Variants in ZNF587 observed in about 807,000 individuals in gnomAD.
The protein encoded by ZNF587 is zinc finger protein 587, also known as zinc finger protein zfp6.
ZNF587 carries 8 observed loss-of-function variants against 7.5 expected under a neutral mutation model. The ratio of observed to expected loss-of-function variants is 1.06; its 90% confidence interval spans 0.62 to 1.92. The LOEUF (loss-of-function observed/expected upper bound fraction) is 1.92, where lower values mean the gene tolerates loss of function less well. Among genes scored for constraint, ZNF587 ranks in the 40% most tolerant of loss-of-function variants. The pLI, the probability that ZNF587 is intolerant of heterozygous loss-of-function variation, is 0.00. For synonymous variants in ZNF587, 145 were observed against 237.8 expected, an observed-to-expected ratio of 0.61 and a Z score of 3.59; for missense variants, 468 against 692.8, an observed-to-expected ratio of 0.68 and a Z score of 3.64.
rs111750663 is a variant in ZNF587, at chr19:57,861,703, A to G, written c.*1563A>G. The G allele has an allele frequency of 3.3e-5, 5 of 151,940 alleles. No homozygotes were observed. Among genetic ancestry groups the G allele is most frequent in the African/African-American group, 1.2e-4 (5 of 41,310 alleles). The allele number at this position is 151,940 out of a possible 1,614,324, so 9.4% of individuals were successfully genotyped here. On this transcript the variant is annotated 3_prime_UTR_variant, in exon 3 of 3. Coordinates refer to ENST00000339656, the MANE Select transcript of ZNF587 (RefSeq NM_032828.4). The stretch of plus-strand genomic sequence containing the variant: ...TTAATATATTTAAAAATAATGAAAT[A>G]ACAAAGACGTATGTTGGACTTCATT...
chr19:57,850,047 G>A lies in ZNF587; in HGVS notation c.9G>A (p.Ala3=). The stretch of plus-strand genomic sequence containing the variant: ...CTTCCCCAAGTAGTCCGATGGCAGC[G>A]GCTGTGCCGAGGCGCCCAACTCAGG... The part of the protein sequence containing the change: MA[A]AVPRRPTQQG... Residue 3 remains alanine, a synonymous_variant, in exon 1 of 3, where the codon GCG becomes GCA. Transcript: ENST00000339656. 2.5e-6 allele frequency: 4 copies of A among 1,614,254 alleles called. No individual in the cohort carries two copies. Among genetic ancestry groups the A allele is most frequent in the South Asian group, 1.1e-5 (1 of 91,090 alleles).
chr19:57,850,336 T>TTTA (rs1015353288), intron 1 of ZNF587: 1 of 631,934 alleles, frequency 1.6e-6, no homozygotes, highest in Non-Finnish European at 2.7e-6. Flanking sequence ...AGACAGGAGT[T>TTTA]TTATTATTCA....
At chr19:57,855,058 C>T (rs912693889) in intron 1 of ZNF587, among the ~76,000 whole-genome samples, 22 of 151,364 alleles carry the variant, frequency 1.5e-4, no homozygotes, top group African/African-American at 5.3e-4. Context: ...GTGGTGGGCA[C>T]CTGTAGTCCC....
intron 1 of ZNF587, chr19:57,850,694 G>A (rs1252929462): frequency 2.5e-6 from 1 of 397,394 alleles, no homozygotes; most frequent in Non-Finnish European, 4.4e-6. Flanking sequence ...GCGGGTCCAG[G>A]TGGCCAGAGC....
intron 1 of ZNF587, chr19:57,850,846 T>A (rs1206600123): frequency 6.2e-6 from 2 of 321,018 alleles, no homozygotes; most frequent in Admixed American, 9.9e-5. Context: ...CGTGAGTCAT[T>A]CCATAAGATG....
rs1311720060 is a variant in ZNF587 at position 57,860,333 on chromosome 19, G to A, written c.*193G>A. 23 of 1,086,064 alleles carry A rather than the reference G, an allele frequency of 2.1e-5. No individual in the cohort carries two copies. Among genetic ancestry groups the A allele is most frequent in the Admixed American group, 2.7e-5 (1 of 37,192 alleles). 67.3% of individuals were successfully genotyped at this position (1,086,064 alleles called of 1,614,324 possible). ...ACCCAGGCTGGAGTGCAGTGGTGCA[G>A]TCTTGGCTCGCTGCAACTTGGGCCT... On this transcript the variant is annotated 3_prime_UTR_variant, in exon 3 of 3. Transcript: ENST00000339656.
rs1014042120 is a variant in ZNF587, at chr19:57,863,901, G to A, written c.*3761G>A. On this transcript the variant is annotated 3_prime_UTR_variant, in exon 3 of 3. Coordinates refer to ENST00000339656, the MANE Select transcript of ZNF587 (RefSeq NM_032828.4). ...CTACTAAAAATACAAAAATTAGTCG[G>A]GCATGGTGGCGGGTGCCTGTAGTCC... 4 of 151,294 alleles carry A rather than the reference G, an allele frequency of 2.6e-5. No individual in the cohort carries two copies. Among genetic ancestry groups the A allele is most frequent in the African/African-American group, 9.7e-5 (4 of 41,250 alleles). The allele number at this position is 151,294 out of a possible 1,614,324, so 9.4% of individuals were successfully genotyped here. A position where few individuals can be genotyped will look rare whatever the true frequency, so the allele number is the denominator to read the frequency against.
Position 57,859,727 on chromosome 19 carries a change from A to T in ZNF587, c.1315A>T (p.Arg439Trp). The T allele has an allele frequency of 6.2e-7, 1 of 1,613,596 alleles. No individual in the cohort carries two copies. Among genetic ancestry groups the T allele is most frequent in the Non-Finnish European group, 8.5e-7 (1 of 1,179,890 alleles). Residue 439 changes from arginine to tryptophan, a missense_variant, in exon 3 of 3, where the codon AGG becomes TGG. Coordinates refer to ENST00000339656, the MANE Select transcript of ZNF587 (RefSeq NM_032828.4). The stretch of plus-strand genomic sequence containing the variant: ...CACTGGGGAAAGACCTTACAATTGT[A>T]GGGAATGTGGGAAATTATTTAACAG... Reference protein sequence around the residue: ...LHTGERPYNCRECGKLFNRKY... With the variant: ...LHTGERPYNCWECGKLFNRKY...
intron 1 of ZNF587, among the ~76,000 whole-genome samples, chr19:57,852,908 A>C (rs2071300376): frequency 8.4e-6 from 1 of 119,398 alleles, no homozygotes; most frequent in South Asian, 2.7e-4. Context: ...CCTGGAGTCT[A>C]GTGGCACAAT....
At chr19:57,855,707 G>A (rs528484929) in intron 1 of ZNF587, among the ~76,000 whole-genome samples, 97 of 151,936 alleles carry the variant, frequency 6.4e-4, no homozygotes, top group African/African-American at 2.3e-3. Context: ...GACTACAGGT[G>A]CCCACCACCA....
Position 57,864,055 on chromosome 19 carries a change from A to C in ZNF587, c.*3915A>C, listed in dbSNP as rs1283186981. ...ACACATCATCTCAAAAAAAAAAAAAAAACTCAATCCATAAATGTTATACTT... is the reference window on the plus strand; with the variant it reads ...ACACATCATCTCAAAAAAAAAAAAACAACTCAATCCATAAATGTTATACTT... On this transcript the variant is annotated 3_prime_UTR_variant, in exon 3 of 3. Coordinates refer to ENST00000339656, the MANE Select transcript of ZNF587 (RefSeq NM_032828.4). 6.6e-6 allele frequency: 1 copy of C among 151,726 alleles called. No individual in the cohort carries two copies. Among genetic ancestry groups the C allele is most frequent in the Non-Finnish European group, 1.5e-5 (1 of 67,954 alleles). The allele number at this position is 151,726 out of a possible 1,614,324, so 9.4% of individuals were successfully genotyped here.
At chr19:57,850,242 C>T in intron 1 of ZNF587, 171 bp downstream of exon 1, 2 of 1,201,618 alleles carry the variant, frequency 1.7e-6, no homozygotes, top group South Asian at 1.3e-5. Context: ...ACGTTGCCAG[C>T]TGCCTAGACA....
chr19:57,859,645 G>C lies in ZNF587; in HGVS notation c.1233G>C (p.Lys411Asn). 1 of 1,613,660 alleles carries C rather than the reference G, an allele frequency of 6.2e-7. No individual in the cohort carries two copies. Among genetic ancestry groups the C allele is most frequent in the Non-Finnish European group, 8.5e-7 (1 of 1,179,932 alleles). Reference sequence around the variant, plus strand: ...CTGGAGAAAGGCCCTATGAGTGCAAGGAATGTGGGAAATCATTTAGGTACA... The same window carrying C: ...CTGGAGAAAGGCCCTATGAGTGCAACGAATGTGGGAAATCATTTAGGTACA... ...GHTGERPYEC[K>N]ECGKSFRYRS... The change falls in exon 3 of 3, where the codon AAG becomes AAC. Residue 411 changes from lysine (K) to asparagine (N), a missense_variant. By Grantham distance (94) the Lys-to-Asn change is moderately conservative (BLOSUM62 0). Around this residue, in one of 5 missense-constraint regions of ZNF587, gnomAD observed 310 missense variants for 325.6 expected, o/e 0.95. Transcript: ENST00000339656.
Position 57,860,062 on chromosome 19 carries a change from C to T in ZNF587, c.1650C>T (p.Cys550=), listed in dbSNP as rs544456621. The change falls in exon 3 of 3, where the codon TGC becomes TGT. Residue 550 remains cysteine, a synonymous_variant. Transcript: ENST00000339656. The part of the protein sequence containing the change: ...RIHTGERPYE[C]TKCGKTFQRS... ...ACACTGGAGAAAGGCCTTATGAATG[C>T]ACCAAATGTGGAAAAACATTTCAGC... 5.1e-5 allele frequency: 82 copies of T among 1,613,356 alleles called. No homozygotes were observed. Among genetic ancestry groups the T allele is most frequent in the Admixed American group, 2.8e-4 (17 of 59,980 alleles).
In ZNF587 at chr19:57,859,929, C is replaced by T. The variant is rs369252362; in HGVS notation, c.1517C>T (p.Ala506Val). Residue 506 changes from alanine to valine, a missense_variant, in exon 3 of 3, where the codon GCG becomes GTG. Ala to Val is a moderately conservative substitution (Grantham distance 64). Around this residue, in one of 5 missense-constraint regions of ZNF587, gnomAD observed 310 missense variants for 325.6 expected, o/e 0.95. Coordinates refer to ENST00000339656, the MANE Select transcript of ZNF587 (RefSeq NM_032828.4). The stretch of plus-strand genomic sequence containing the variant: ...GGGAAATCATTTCTTTCCAGCTCTG[C>T]GCTTCATGTTCATAAAAGAGTTCAT... ...ECGKSFLSSS[A>V]LHVHKRVHSG... 3.8e-5 allele frequency: 62 copies of T among 1,613,872 alleles called. No individual in the cohort carries two copies. The highest frequency in any genetic ancestry group is 4.4e-5 in the South Asian group (4 of 91,082).
Position 57,850,336 on chromosome 19 carries a change from T to C in ZNF587, c.33+265T>C, listed in dbSNP as rs1371013599. The C allele has an allele frequency of 1.1e-5, 7 of 631,816 alleles. No individual in the cohort carries two copies. In the Admixed American group the frequency reaches 2.1e-4, roughly 19 times the overall value. The allele number at this position is 631,816 out of a possible 1,614,324, so 39.1% of individuals were successfully genotyped here. ...GTCCTGCTGTTCGGGAGACAGGAGT[T>C]TTATTATTCAAATCAGTCTCCCTGA... On this transcript the variant is annotated intron_variant, in intron 1 of 2. Coordinates refer to ENST00000339656, the MANE Select transcript of ZNF587 (RefSeq NM_032828.4).
chr19:57,863,330 C>G lies in ZNF587; in HGVS notation c.*3190C>G, dbSNP rs1274407892. 6.6e-6 allele frequency: 1 copy of G among 152,326 alleles called. No homozygotes were observed. Among genetic ancestry groups the G allele is most frequent in the Non-Finnish European group, 1.5e-5 (1 of 68,160 alleles). The allele number at this position is 152,326 out of a possible 1,614,324, so 9.4% of individuals were successfully genotyped here. A position where few individuals can be genotyped will look rare whatever the true frequency, so the allele number is the denominator to read the frequency against. On this transcript the variant is annotated 3_prime_UTR_variant, in exon 3 of 3. Coordinates refer to ENST00000339656, the MANE Select transcript of ZNF587 (RefSeq NM_032828.4). ...ACCAGGTTTCACCATGTTGGTCAGGCTGGTCTCAAACTCCTGACCTCGTGA... is the reference window on the plus strand; with the variant it reads ...ACCAGGTTTCACCATGTTGGTCAGGGTGGTCTCAAACTCCTGACCTCGTGA...
intron 1 of ZNF587, among the ~76,000 whole-genome samples, chr19:57,855,089 C>T (rs145230183): frequency 0.029 from 4,480 of 151,884 alleles, 203 homozygotes; most frequent in African/African-American, 0.1. Context: ...GAGGCTGAGG[C>T]AGGAGAATGG....
At position 57,863,957 on chromosome 19, in the gene ZNF587, C is replaced by T. The variant is rs375069431; in HGVS notation, c.*3817C>T. On this transcript the variant is annotated 3_prime_UTR_variant, in exon 3 of 3. Coordinates refer to ENST00000339656, the MANE Select transcript of ZNF587 (RefSeq NM_032828.4). ...ACTCGGGAGGCTGAGGCCAGAAAAT[C>T]GGTTGAACCTGGGAGGTGGAAGGTG... 10 of 148,032 alleles carry T rather than the reference C, an allele frequency of 6.8e-5. No homozygotes were observed. The East Asian group carries it at 1.7e-3, about 26-fold the overall frequency. 9.2% of individuals were successfully genotyped at this position (148,032 alleles called of 1,614,324 possible). A position where few individuals can be genotyped will look rare whatever the true frequency, so the allele number is the denominator to read the frequency against.
Sources: gnomAD v4.1 joint callset for allele counts (sites outside exome capture counted in the v4.1 genomes callset) on GRCh38, gnomAD v4.1.1 for gene constraint, gnomAD v4.1.1 regional missense constraint, MANE v1.5 for transcripts, NCBI Gene and HGNC (gene_info 2026-07-23, HGNC 2026-07-21) for gene names.